ARHGEF26: variants seen among roughly 807,000 people sequenced by gnomAD.
ARHGEF26 encodes the protein Rho guanine nucleotide exchange factor 26.
ARHGEF26 carries 59 observed loss-of-function variants against 89.4 expected under a neutral mutation model. That is an observed-to-expected ratio of 0.66 (90% CI 0.54 to 0.82). ARHGEF26 has a LOEUF of 0.82. Ranked by LOEUF, ARHGEF26 falls within the 40% of genes least tolerant of loss-of-function variation. The pLI, the probability that ARHGEF26 is intolerant of heterozygous loss-of-function variation, is 0.00. For missense variants in ARHGEF26, 1,234 were observed against 1,085.6 expected (o/e 1.14, Z -1.92); for synonymous variants, 500 against 428.4 (o/e 1.17, Z -2.06).
intron 9 of ARHGEF26, among the ~76,000 whole-genome samples, chr3:154,200,417 A>G (rs1012289600): frequency 2.6e-5 from 4 of 151,916 alleles, no homozygotes; most frequent in Non-Finnish European, 2.9e-5. Flanking sequence ...CCACTGGCCT[A>G]TGTGTCTGTT....
chr3:154,198,756 A>G (rs1365547923), intron 9 of ARHGEF26, among the ~76,000 whole-genome samples: 1 of 152,130 alleles, frequency 6.6e-6, no homozygotes, highest in Non-Finnish European at 1.5e-5. Flanking sequence ...GGGATAAAAG[A>G]GTACACATTG....
chr3:154,230,271 G>A (rs908325419), intron 11 of ARHGEF26, among the ~76,000 whole-genome samples: 1 of 152,170 alleles, frequency 6.6e-6, no homozygotes, highest in African/African-American at 2.4e-5. Flanking sequence ...AGTTCTGGAG[G>A]CCAGGATTAT....
intron 4 of ARHGEF26, among the ~76,000 whole-genome samples, chr3:154,140,256 T>TA (rs1719275170): frequency 6.6e-6 from 1 of 152,214 alleles, no homozygotes; most frequent in African/African-American, 2.4e-5. Flanking sequence ...TAATTTCAGA[T>TA]ACAGTTTATG....
intron 2 of ARHGEF26, among the ~76,000 whole-genome samples, chr3:154,123,613 G>A (rs1718139042): frequency 6.6e-6 from 1 of 152,184 alleles, no homozygotes; most frequent in Admixed American, 6.5e-5. Flanking sequence ...AAAATCAGTT[G>A]CCAGGATCAC....
chr3:154,223,539 C>G (rs1716271587), intron 10 of ARHGEF26, among the ~76,000 whole-genome samples: 1 of 152,068 alleles, frequency 6.6e-6, no homozygotes, highest in African/African-American at 2.4e-5. Flanking sequence ...CTTATACATG[C>G]CTTGTGGATG....
At chr3:154,177,692 C>T (rs1270535341) in intron 6 of ARHGEF26, among the ~76,000 whole-genome samples, 4 of 152,148 alleles carry the variant, frequency 2.6e-5, no homozygotes, top group Non-Finnish European at 5.9e-5. Flanking sequence ...AAGCAAATAA[C>T]TGGGCCCTGG....
chr3:154,140,890 T>G (rs948445936), intron 4 of ARHGEF26, among the ~76,000 whole-genome samples: 2 of 151,172 alleles, frequency 1.3e-5, no homozygotes, highest in South Asian at 4.2e-4. Flanking sequence ...CTCTGAGTTC[T>G]CATAACTTAC....
Position 154,215,023 on chromosome 3 carries a change from T to C in ARHGEF26, c.1846-2846T>C, listed in dbSNP as rs1715632601. Among the ~76,000 whole-genome samples the C allele has an allele frequency of 3.3e-5, 5 of 152,218 alleles. No homozygotes were observed. In the South Asian group the frequency reaches 1.0e-3, roughly 32 times the overall value. Reference sequence around the variant, plus strand: ...ATAAATATATTGGGGAAAGTCCATATAATTATTATAGCATAAATTGGATCA... The same window carrying C: ...ATAAATATATTGGGGAAAGTCCATACAATTATTATAGCATAAATTGGATCA... On this transcript the variant is annotated intron_variant, in intron 9 of 14. Coordinates refer to ENST00000465093, the MANE Select transcript of ARHGEF26 (RefSeq NM_015595.4).
intron 12 of ARHGEF26, 151 bp from the exon 13 acceptor site, chr3:154,252,965 T>C (rs2108303879): frequency 2.7e-6 from 2 of 734,602 alleles, no homozygotes; most frequent in Non-Finnish European, 4.4e-6. Context: ...TTCCAGCTTA[T>C]CACTTTTAAA....
intron 4 of ARHGEF26, among the ~76,000 whole-genome samples, chr3:154,145,097 T>C (rs1719619257): frequency 6.6e-6 from 1 of 152,190 alleles, no homozygotes; most frequent in Non-Finnish European, 1.5e-5. Flanking sequence ...AGTGATGTCT[T>C]AGAACCTTTC....
At chr3:154,250,684 A>AGT (rs1718086096) in intron 12 of ARHGEF26, among the ~76,000 whole-genome samples, 1 of 152,200 alleles carries the variant, frequency 6.6e-6, no homozygotes, top group Non-Finnish European at 1.5e-5. Context: ...AGAAGACAGC[A>AGT]GTATAGGCTA....
At chr3:154,132,212 C>T (rs1718720257) in intron 4 of ARHGEF26, among the ~76,000 whole-genome samples, 1 of 151,970 alleles carries the variant, frequency 6.6e-6, no homozygotes, top group African/African-American at 2.4e-5. Context: ...GTGCTTTAAA[C>T]CCATAGAAAA....
At chr3:154,204,333 C>T (rs28885439) in intron 9 of ARHGEF26, among the ~76,000 whole-genome samples, 12 of 113,314 alleles carry the variant, frequency 1.1e-4, no homozygotes, top group South Asian at 3.0e-4. Context: ...TTTTCTTTTC[C>T]TTTTTTTTTT....
chr3:154,154,345 C>T (rs1720199121), intron 6 of ARHGEF26, among the ~76,000 whole-genome samples: 2 of 152,032 alleles, frequency 1.3e-5, no homozygotes, highest in South Asian at 4.1e-4. Context: ...TACCAGCGTG[C>T]TCATTGCTAA....
At chr3:154,164,617 C>G (rs900042896) in intron 6 of ARHGEF26, among the ~76,000 whole-genome samples, 2 of 152,084 alleles carry the variant, frequency 1.3e-5, no homozygotes, top group African/African-American at 4.8e-5. Flanking sequence ...ACAAGAAAAA[C>G]TGTCTCTGTA....
intron 9 of ARHGEF26, among the ~76,000 whole-genome samples, chr3:154,213,241 G>GTGTA (rs1553747909): frequency 3.4e-5 from 5 of 145,560 alleles, no homozygotes; most frequent in African/African-American, 1.0e-4. Flanking sequence ...GTGTGTGTGT[G>GTGTA]TATATATATA....
chr3:154,243,897 C>A (rs1250035639), intron 12 of ARHGEF26, among the ~76,000 whole-genome samples: 1 of 152,198 alleles, frequency 6.6e-6, no homozygotes, highest in East Asian at 1.9e-4. Flanking sequence ...CAAATTGTTA[C>A]ATGCCATGTT....
intron 9 of ARHGEF26, among the ~76,000 whole-genome samples, chr3:154,202,794 C>G (rs1412515824): frequency 3.9e-5 from 1 of 25,568 alleles, no homozygotes; most frequent in Non-Finnish European, 6.1e-5. Context: ...CATGATTTGG[C>G]TCTCTGTCTG....
intron 6 of ARHGEF26, among the ~76,000 whole-genome samples, chr3:154,183,055 C>T (rs1193268939): frequency 6.6e-6 from 1 of 152,160 alleles, no homozygotes; most frequent in Non-Finnish European, 1.5e-5. Flanking sequence ...TCTTGAACCT[C>T]CTGGGAGGTG....
Sources: allele counts gnomAD v4.1 joint callset (sites outside exome capture counted in the v4.1 genomes callset), GRCh38; gene constraint gnomAD v4.1.1; transcripts MANE v1.5; gene names NCBI Gene and HGNC (gene_info 2026-07-23, HGNC 2026-07-21).